The following ADGB variants were observed in gnomAD, a reference collection of about 807,000 sequenced individuals.
ADGB encodes the protein calpain-7-like protein.
Under a neutral mutation model 210.5 loss-of-function variants are expected in ADGB, and 172 were observed. The observed-to-expected ratio is 0.82, with a 90% CI of 0.72 to 0.93. ADGB has a LOEUF of 0.93. Ranked by LOEUF, ADGB falls within the 40% of genes least tolerant of loss-of-function variation. The probability of loss-of-function intolerance (pLI) is 0.00; values close to 1 mark genes in which losing one functional copy is unlikely to be tolerated. For synonymous variants in ADGB, 658 were observed against 662.7 expected, an observed-to-expected ratio of 0.99 and a Z score of 0.11; for missense variants, 2,025 against 1,964.8, an observed-to-expected ratio of 1.03 and a Z score of -0.58.
At chr6:146,643,581 A>T (rs1280584662) in intron 2 of ADGB, among the ~76,000 whole-genome samples, 1 of 151,994 alleles carries the variant, frequency 6.6e-6, no homozygotes, top group East Asian at 1.9e-4. Context: ...AGCATCTGAG[A>T]GTACGCATTT....
At chr6:146,716,598 T>C (rs1018029355) in intron 14 of ADGB, among the ~76,000 whole-genome samples, 1 of 23,354 alleles carries the variant, frequency 4.3e-5, no homozygotes, top group East Asian at 2.6e-3. Flanking sequence ...AGACTCCGTC[T>C]CAAAAAAAAA....
intron 1 of ADGB, among the ~76,000 whole-genome samples, chr6:146,626,737 C>T (rs1191699283): frequency 6.6e-6 from 1 of 151,402 alleles, no homozygotes; most frequent in African/African-American, 2.4e-5. Context: ...TGTATTGTAA[C>T]TTGGCATGGT....
At chr6:146,685,859 T>C (rs1436707665) in intron 10 of ADGB, 31 bp downstream of exon 10, 8 of 1,434,046 alleles carry the variant, frequency 5.6e-6, no homozygotes, top group Non-Finnish European at 6.6e-6. Context: ...AACAGTATTA[T>C]TTATTTTGTG....
At chr6:146,705,671 A>C (rs1484847786) in intron 13 of ADGB, among the ~76,000 whole-genome samples, 1 of 152,116 alleles carries the variant, frequency 6.6e-6, no homozygotes, top group Admixed American at 6.6e-5. Flanking sequence ...CTGTTGAATT[A>C]TGTTTACTAG....
chr6:146,638,614 G>C (rs1319158929), intron 2 of ADGB, among the ~76,000 whole-genome samples: 11 of 97,954 alleles, frequency 1.1e-4, no homozygotes, highest in Non-Finnish European at 2.2e-4. Context: ...TGGGGTGGGG[G>C]GGGGGGGGAG....
rs1163994773 is a variant in ADGB, at chr6:146,785,657, A to G, written c.4260A>G (p.Thr1420=). Residue 1420 remains threonine (T), a synonymous_variant, in exon 32 of 36, where the codon ACA becomes ACG. Transcript: ENST00000397944. ...ACCTTAGCGGGTTCATTAAGAAAAC[A>G]TCTGATGCTGAGAGTCCGCCTATAT... ...LHYLSGFIKK[T]SDAESPPISE... 3 of 1,551,194 alleles carry G rather than the reference A, an allele frequency of 1.9e-6. No individual in the cohort carries two copies. The highest frequency in any genetic ancestry group is 2.7e-5 in the African/African-American group (2 of 73,024).
intron 22 of ADGB, among the ~76,000 whole-genome samples, chr6:146,735,282 A>G (rs1206828983): frequency 6.6e-6 from 1 of 152,184 alleles, no homozygotes; most frequent in Non-Finnish European, 1.5e-5. Context: ...TAAAGAACAG[A>G]GATGTATTTC....
chr6:146,727,943 A>C (rs1181491617), intron 19 of ADGB, among the ~76,000 whole-genome samples: 2 of 152,136 alleles, frequency 1.3e-5, no homozygotes, highest in Non-Finnish European at 2.9e-5. Flanking sequence ...GGGAATCATG[A>C]TTGCACCATG....
In ADGB at chr6:146,801,982, G is replaced by GAAGT. The variant is rs1562305252; in HGVS notation, c.4790_4793dup (p.Leu1599SerfsTer6). The GAAGT allele has an allele frequency of 5.8e-6, 9 of 1,549,830 alleles. No homozygotes were observed. The highest frequency in any genetic ancestry group is 7.9e-6 in the Non-Finnish European group (9 of 1,146,260). On this transcript the variant is annotated frameshift_variant, in exon 35 of 36. Coordinates refer to ENST00000397944, the MANE Select transcript of ADGB (RefSeq NM_024694.4). LOFTEE classifies it low-confidence loss of function (END_TRUNC). ...AGAAGAGCGGTTGAAGTTAAAGGAT[G>GAAGT]AAGTCCTGGATATGTATAAGGAAAT...
At chr6:146,674,383 A>G (rs1422583422) in intron 8 of ADGB, among the ~76,000 whole-genome samples, 2 of 152,098 alleles carry the variant, frequency 1.3e-5, no homozygotes. Context: ...ATGACTGGGA[A>G]GATCCTGCTG....
At chr6:146,626,924 CT>C (rs1562258607) in intron 1 of ADGB, among the ~76,000 whole-genome samples, 1 of 151,956 alleles carries the variant, frequency 6.6e-6, no homozygotes, top group Non-Finnish European at 1.5e-5. Context: ...TCAGAATGTA[CT>C]GATGCTCTGC....
chr6:146,733,458 G>T (rs1341578275), intron 21 of ADGB, among the ~76,000 whole-genome samples: 1 of 152,076 alleles, frequency 6.6e-6, no homozygotes, highest in East Asian at 1.9e-4. Context: ...ACTTCTAGGG[G>T]AGTGTCTTAC....
chr6:146,747,396 T>A (rs1777255511), intron 26 of ADGB, among the ~76,000 whole-genome samples: 1 of 152,210 alleles, frequency 6.6e-6, no homozygotes, highest in Admixed American at 6.5e-5. Context: ...AAGTGAAATT[T>A]AACCTACTAC....
chr6:146,757,992 G>A (rs891369768), intron 27 of ADGB, among the ~76,000 whole-genome samples: 8 of 152,056 alleles, frequency 5.3e-5, no homozygotes, highest in African/African-American at 1.9e-4. Flanking sequence ...AGTGGGATAT[G>A]CATGTACTAT....
intron 1 of ADGB, among the ~76,000 whole-genome samples, chr6:146,629,146 G>GA (rs1377667259): frequency 6.6e-6 from 1 of 152,050 alleles, no homozygotes; most frequent in Non-Finnish European, 1.5e-5. Context: ...TTTAAATATT[G>GA]AAAAATCATC....
chr6:146,662,950 A>G (rs1775883465), intron 5 of ADGB, among the ~76,000 whole-genome samples: 1 of 146,000 alleles, frequency 6.8e-6, no homozygotes, highest in South Asian at 2.1e-4. Context: ...AATGTTATAT[A>G]TTACACATAT....
rs1202515449 is a variant in ADGB, at chr6:146,752,057, G to T, written c.3366-473G>T. 5.3e-5 allele frequency among the ~76,000 whole-genome samples: 8 copies of T among 151,988 alleles called. No individual in the cohort carries two copies. The East Asian group carries it at 1.5e-3, about 29-fold the overall frequency. ...TTCCTTACTGTCTTAGTCTGTTCTT[G>T]CATTGCTATAAAGAAATACCTGAGA... is the stretch of plus-strand genomic sequence containing the variant. On this transcript the variant is annotated intron_variant, in intron 26 of 35. Coordinates refer to ENST00000397944, the MANE Select transcript of ADGB (RefSeq NM_024694.4).
At chr6:146,760,807 G>A (rs1428301687) in intron 27 of ADGB, among the ~76,000 whole-genome samples, 1 of 151,472 alleles carries the variant, frequency 6.6e-6, no homozygotes, top group Non-Finnish European at 1.5e-5. Context: ...CTTATATATT[G>A]TACTACTTCT....
At chr6:146,717,342 A>G (rs1432830857) in intron 15 of ADGB, among the ~76,000 whole-genome samples, 194 bp from the exon 16 acceptor site, 1 of 152,150 alleles carries the variant, frequency 6.6e-6, no homozygotes, top group African/African-American at 2.4e-5. Flanking sequence ...GCTTTTCCTC[A>G]AAGGCTTGTT....
Sources: gnomAD v4.1 joint callset for allele counts (sites outside exome capture counted in the v4.1 genomes callset) on GRCh38, gnomAD v4.1.1 for gene constraint, MANE v1.5 for transcripts, NCBI Gene and HGNC (gene_info 2026-07-23, HGNC 2026-07-21) for gene names.